ZNF423: variants seen among roughly 807,000 people sequenced by gnomAD.
The protein encoded by ZNF423 is zinc finger protein 423.
ZNF423 carries 12 observed loss-of-function variants against 95.8 expected under a neutral mutation model. The ratio of observed to expected loss-of-function variants is 0.13; its 90% CI spans 0.08 to 0.20. ZNF423 has a LOEUF of 0.20. Among genes scored for constraint, ZNF423 ranks in the 10% least tolerant of loss-of-function variants. The pLI, the probability that ZNF423 is intolerant of heterozygous loss-of-function variation, is 1.00. For missense variants in ZNF423, 1,316 were observed against 1,737.1 expected (o/e 0.76, Z 4.31); for synonymous variants, 749 against 711.9 (o/e 1.05, Z -0.83).
intron 3 of ZNF423, among the ~76,000 whole-genome samples, chr16:49,677,243 G>T (rs1179069321): frequency 1.1e-4 from 2 of 18,948 alleles, no homozygotes; most frequent in African/African-American, 4.8e-4. Context: ...GAAGAGAAGA[G>T]AAGATAAGAG....
intron 5 of ZNF423, among the ~76,000 whole-genome samples, chr16:49,597,360 G>T (rs372751554): frequency 6.6e-6 from 1 of 152,280 alleles, no homozygotes; most frequent in East Asian, 1.9e-4. Context: ...CCTGAGACGT[G>T]CTGTCAGTCC....
chr16:49,582,954 C>A (rs896430076), intron 5 of ZNF423, among the ~76,000 whole-genome samples: 2 of 152,192 alleles, frequency 1.3e-5, no homozygotes, highest in African/African-American at 4.8e-5. Flanking sequence ...ATCTTGCTGA[C>A]ATCACAACTG....
At chr16:49,514,234 ACACACG>A (rs1491080537) in intron 7 of ZNF423, among the ~76,000 whole-genome samples, 3 of 142,138 alleles carry the variant, frequency 2.1e-5, no homozygotes, top group African/African-American at 5.6e-5. Context: ...ATGCGTACAC[ACACACG>A]CACACGCACA....
chr16:49,579,702 C>A (rs1007883794), intron 5 of ZNF423, among the ~76,000 whole-genome samples: 3 of 152,148 alleles, frequency 2.0e-5, no homozygotes, highest in African/African-American at 7.2e-5. Flanking sequence ...CAGCCAGCCC[C>A]TGCTCCATCC....
At chr16:49,836,780 C>G (rs2035124858) in intron 1 of ZNF423, among the ~76,000 whole-genome samples, 1 of 152,146 alleles carries the variant, frequency 6.6e-6, no homozygotes, top group African/African-American at 2.4e-5. Context: ...GAACCTCTCT[C>G]CACAAGAGCA....
At chr16:49,749,238 C>A (rs1177393459) in intron 2 of ZNF423, among the ~76,000 whole-genome samples, 4 of 152,110 alleles carry the variant, frequency 2.6e-5, no homozygotes, top group Non-Finnish European at 5.9e-5. Context: ...GGACCCAGCC[C>A]ACCCCCACAA....
intron 3 of ZNF423, among the ~76,000 whole-genome samples, chr16:49,701,481 A>G (rs1347143554): frequency 1.3e-5 from 2 of 149,454 alleles, no homozygotes; most frequent in Middle Eastern, 3.2e-3. Context: ...AGGAGAGGGG[A>G]GGGGAGGGGA....
intron 3 of ZNF423, among the ~76,000 whole-genome samples, chr16:49,717,477 C>T (rs7202790): frequency 6.6e-6 from 1 of 152,228 alleles, no homozygotes; most frequent in African/African-American, 2.4e-5. Context: ...TAGCAGCACC[C>T]TGATTTCCTC....
chr16:49,612,070 A>G (rs1010160178), intron 5 of ZNF423, among the ~76,000 whole-genome samples: 1 of 152,116 alleles, frequency 6.6e-6, no homozygotes, highest in Non-Finnish European at 1.5e-5. Context: ...AAGAAGAATC[A>G]ACACCAATTC....
chr16:49,780,966 C>G (rs1209525874), intron 2 of ZNF423, among the ~76,000 whole-genome samples: 1 of 152,238 alleles, frequency 6.6e-6, no homozygotes, highest in Non-Finnish European at 1.5e-5. Context: ...GCCACCAGCA[C>G]ACCAGCCGGA....
At chr16:49,827,805 T>C (rs894206377) in intron 1 of ZNF423, among the ~76,000 whole-genome samples, 22 of 152,168 alleles carry the variant, frequency 1.4e-4, no homozygotes, top group Non-Finnish European at 2.8e-4. Context: ...CCTTTTTTTT[T>C]CAGTGGGGGT....
chr16:49,709,700 T>C (rs1596896472), intron 3 of ZNF423, among the ~76,000 whole-genome samples: 1 of 152,346 alleles, frequency 6.6e-6, no homozygotes, highest in East Asian at 1.9e-4. Context: ...GTTCCATCCC[T>C]ACGAGTGCGA....
At position 49,487,546 on chromosome 16, in the gene ZNF423, C is replaced by T. The variant is rs534151562; in HGVS notation, c.*3729G>A. ...GTCTTTCCTGTACAGTACAATTTCA[C>T]TTTATTCATCGTTGTCATCATGATT... On this transcript the variant is annotated 3_prime_UTR_variant, in exon 8 of 8. Transcript: ENST00000563137. The T allele has an allele frequency of 2.6e-5, 4 of 152,276 alleles. No homozygotes were observed. The highest frequency in any genetic ancestry group is 9.6e-5 in the African/African-American group (4 of 41,550). 9.4% of individuals were successfully genotyped at this position (152,276 alleles called of 1,614,324 possible).
chr16:49,624,899 C>A (rs1972206844), intron 5 of ZNF423, among the ~76,000 whole-genome samples: 1 of 152,228 alleles, frequency 6.6e-6, no homozygotes, highest in Non-Finnish European at 1.5e-5. Context: ...TGGAAATAGT[C>A]TGTTTCTTGA....
intron 1 of ZNF423, among the ~76,000 whole-genome samples, chr16:49,825,441 T>A (rs1031342937): frequency 6.6e-6 from 1 of 152,016 alleles, no homozygotes; most frequent in Non-Finnish European, 1.5e-5. Context: ...CATACATATA[T>A]ATAATATATA....
chr16:49,541,687 C>T (rs923281769), intron 5 of ZNF423, among the ~76,000 whole-genome samples: 2 of 152,148 alleles, frequency 1.3e-5, no homozygotes, highest in Non-Finnish European at 2.9e-5. Flanking sequence ...CTGTCAAGGG[C>T]GGGACCAGGT....
At chr16:49,683,687 A>T (rs1233732018) in intron 3 of ZNF423, among the ~76,000 whole-genome samples, 1 of 152,222 alleles carries the variant, frequency 6.6e-6, no homozygotes, top group East Asian at 1.9e-4. Context: ...TCCGATGCTC[A>T]ACACTTGACC....
At chr16:49,600,780 C>T (rs1038227310) in intron 5 of ZNF423, among the ~76,000 whole-genome samples, 3 of 152,148 alleles carry the variant, frequency 2.0e-5, no homozygotes, top group Admixed American at 6.5e-5. Context: ...AGACCCAGGC[C>T]GGAGTGAGTG....
intron 5 of ZNF423, among the ~76,000 whole-genome samples, chr16:49,599,702 C>G (rs1306886184): frequency 6.6e-6 from 1 of 152,206 alleles, no homozygotes; most frequent in East Asian, 1.9e-4. Flanking sequence ...GATACACACA[C>G]AACACGGATG....
Sources: allele counts gnomAD v4.1 joint callset (sites outside exome capture counted in the v4.1 genomes callset), GRCh38; gene constraint gnomAD v4.1.1; transcripts MANE v1.5; gene names NCBI Gene and HGNC (gene_info 2026-07-23, HGNC 2026-07-21).